The following WWP1 variants were observed in gnomAD, a reference collection of about 807,000 sequenced individuals.
WWP1 encodes NEDD4-like E3 ubiquitin-protein ligase WWP1.
WWP1 carries 49 observed loss-of-function variants against 130.6 expected under a neutral mutation model. The ratio of observed to expected loss-of-function variants is 0.38; its 90% confidence interval spans 0.30 to 0.48. WWP1 has a LOEUF of 0.48. Ranked by LOEUF, WWP1 falls within the 20% of genes least tolerant of loss-of-function variation. The pLI is 0.99. For missense variants in WWP1, 809 were observed against 1,100.6 expected (o/e 0.74, Z 3.75); for synonymous variants, 332 against 367.8 (o/e 0.90, Z 1.11).
intron 5 of WWP1, among the ~76,000 whole-genome samples, chr8:86,394,784 C>T (rs1455504238): frequency 6.6e-6 from 1 of 151,904 alleles, no homozygotes; most frequent in East Asian, 1.9e-4. Flanking sequence ...GTTTTATGAT[C>T]CAAAATGTTA....
chr8:86,404,635 G>A (rs192940853), intron 8 of WWP1, among the ~76,000 whole-genome samples: 17 of 152,162 alleles, frequency 1.1e-4, no homozygotes, highest in East Asian at 3.9e-4. Flanking sequence ...TATGACAATC[G>A]GAAAAATAGT....
chr8:86,360,924 T>A (rs1823556131), intron 1 of WWP1, among the ~76,000 whole-genome samples: 1 of 152,122 alleles, frequency 6.6e-6, no homozygotes, highest in Non-Finnish European at 1.5e-5. Flanking sequence ...GGACTATTGA[T>A]TGGATGGAGC....
chr8:86,352,039 C>CT (rs770047019), intron 1 of WWP1, among the ~76,000 whole-genome samples: 17,845 of 125,142 alleles, frequency 0.14, 1,495 homozygotes, highest in African/African-American at 0.17. Context: ...TAAAATATTC[C>CT]TTTTTTTTTT....
intron 5 of WWP1, among the ~76,000 whole-genome samples, chr8:86,388,277 T>G (rs1046667566): frequency 2.0e-5 from 3 of 152,002 alleles, no homozygotes; most frequent in African/African-American, 7.3e-5. Flanking sequence ...TCCTTTTTTC[T>G]TTTTTAAATG....
chr8:86,376,354 A>T (rs1824650592), intron 3 of WWP1, among the ~76,000 whole-genome samples: 1 of 152,188 alleles, frequency 6.6e-6, no homozygotes, highest in African/African-American at 2.4e-5. Flanking sequence ...GGATCACGTG[A>T]GGCCAGGAGT....
In WWP1 at chr8:86,461,224, T is replaced by C. The variant is rs1225503725; in HGVS notation, c.2500T>C (p.Phe834Leu). The C allele has an allele frequency of 6.2e-7, 1 of 1,613,006 alleles. No homozygotes were observed. The highest frequency in any genetic ancestry group is 1.3e-5 in the African/African-American group (1 of 75,014). ...TAAAGTACATTTAATTTCATTACAGTTTGTGAAAGAGACAGACAATGAAGT... is the reference window on the plus strand; with the variant it reads ...TAAAGTACATTTAATTTCATTACAGCTTGTGAAAGAGACAGACAATGAAGT... ...NSKQIIWFWQ[F>L]VKETDNEVRM... Residue 834 changes from phenylalanine (F) to leucine (L), a missense_variant and splice_region_variant, in exon 23 of 25, where the codon TTT (phenylalanine) becomes CTT (leucine). Physicochemically the swap from Phe to Leu is conservative, Grantham distance 22 (BLOSUM62 0). Around this residue, in one of 3 missense-constraint regions of WWP1, gnomAD observed 450 missense variants for 674.2 expected, o/e 0.67. Transcript: ENST00000517970.
chr8:86,416,551 G>A (rs1808898915), intron 9 of WWP1, among the ~76,000 whole-genome samples: 2 of 151,472 alleles, frequency 1.3e-5, no homozygotes, highest in African/African-American at 4.8e-5. Flanking sequence ...TTATTGTAAT[G>A]TATTTTTCAA....
intron 10 of WWP1, among the ~76,000 whole-genome samples, chr8:86,426,601 C>G (rs1406323167): frequency 6.6e-6 from 1 of 152,158 alleles, no homozygotes; most frequent in Non-Finnish European, 1.5e-5. Context: ...GTTAGACTCT[C>G]ACATGAGGCC....
At chr8:86,438,305 A>G (rs1306730163) in intron 16 of WWP1, among the ~76,000 whole-genome samples, 3 of 152,196 alleles carry the variant, frequency 2.0e-5, no homozygotes, top group African/African-American at 7.2e-5. Context: ...AGGCTGAAGA[A>G]AATTCAAGTA....
chr8:86,440,208 T>C (rs768002537), intron 17 of WWP1, among the ~76,000 whole-genome samples: 2 of 152,234 alleles, frequency 1.3e-5, no homozygotes, highest in Non-Finnish European at 2.9e-5. Flanking sequence ...TGAGCCCTTA[T>C]TTGCCTCAAC....
chr8:86,448,853 T>C (rs77463063), intron 20 of WWP1, among the ~76,000 whole-genome samples: 1 of 152,154 alleles, frequency 6.6e-6, no homozygotes, highest in Non-Finnish European at 1.5e-5. Context: ...ATTTTTGTTT[T>C]TAGAGAGAGT....
chr8:86,463,932 A>G lies in WWP1; in HGVS notation c.2669+2086A>G, dbSNP rs185417440. Among the ~76,000 whole-genome samples the G allele has an allele frequency of 1.4e-3, 208 of 152,068 alleles. 2 individuals carry two copies. The highest frequency in any genetic ancestry group is 3.4e-3 in the Middle Eastern group (1 of 294). On this transcript the variant is annotated intron_variant, in intron 24 of 24. Coordinates refer to ENST00000517970, the MANE Select transcript of WWP1 (RefSeq NM_007013.4). ...AAAAATTAGCCGGGTGTGGTGGCAC[A>G]CACCTGTAGTCCCAGCTACTCTGGA...
rs540019048 is a variant in WWP1 at position 86,389,615 on chromosome 8, T to G, written c.334+7986T>G. ...TTCTTTTCCCCACATTTCCCCCTTT[T>G]CTATTCGACAAAACCCCCATCATCA... On this transcript the variant is annotated intron_variant, in intron 5 of 24. Coordinates refer to ENST00000517970, the MANE Select transcript of WWP1 (RefSeq NM_007013.4). Among the ~76,000 whole-genome samples, 6 of 152,328 alleles carry G rather than the reference T, an allele frequency of 3.9e-5. No individual in the cohort carries two copies. The South Asian group carries it at 1.2e-3, about 32-fold the overall frequency.
At chr8:86,458,481 G>A (rs938654363) in intron 22 of WWP1, among the ~76,000 whole-genome samples, 16 of 152,074 alleles carry the variant, frequency 1.1e-4, no homozygotes, top group South Asian at 2.1e-4. Context: ...TTTTTTTAGC[G>A]TGTGTGTTTT....
At chr8:86,414,890 T>TCCCCCCCCCCCCCCCC (rs1222505171) in intron 9 of WWP1, among the ~76,000 whole-genome samples, 8 of 94,802 alleles carry the variant, frequency 8.4e-5, no homozygotes, top group African/African-American at 1.4e-4. Flanking sequence ...CCCCCCCCCA[T>TCCCCCCCCCCCCCCCC]CCCCCCACCC....
At chr8:86,393,911 C>T (rs557456732) in intron 5 of WWP1, among the ~76,000 whole-genome samples, 1 of 152,318 alleles carries the variant, frequency 6.6e-6, no homozygotes, top group East Asian at 1.9e-4. Context: ...ATAGGCATTT[C>T]AGGTTTTGCC....
At chr8:86,427,545 C>T in intron 10 of WWP1, 98 bp from the exon 11 acceptor site, 1 of 1,251,008 alleles carries the variant, frequency 8.0e-7, no homozygotes, top group Non-Finnish European at 1.1e-6. Flanking sequence ...GTTATTTTAA[C>T]ATGTCTTGAA....
intron 8 of WWP1, among the ~76,000 whole-genome samples, chr8:86,410,423 G>C (rs1808517415): frequency 6.6e-6 from 1 of 151,968 alleles, no homozygotes; most frequent in East Asian, 1.9e-4. Context: ...ATTGTACGTG[G>C]TATTTCTAAT....
chr8:86,441,495 A>G (rs1810588822), intron 17 of WWP1, among the ~76,000 whole-genome samples: 1 of 152,214 alleles, frequency 6.6e-6, no homozygotes, highest in Non-Finnish European at 1.5e-5. Flanking sequence ...GTGATTTTAC[A>G]GTTTTTAAAT....
Sources: gnomAD v4.1 joint callset for allele counts (sites outside exome capture counted in the v4.1 genomes callset) on GRCh38, gnomAD v4.1.1 for gene constraint, gnomAD v4.1.1 regional missense constraint, MANE v1.5 for transcripts, NCBI Gene and HGNC (gene_info 2026-07-23, HGNC 2026-07-21) for gene names.